Variants in SPTLC2 observed in about 807,000 individuals in gnomAD.
SPTLC2 encodes the protein serine palmitoyltransferase long chain base subunit 2, also known as serine palmitoyltransferase 2.
SPTLC2 carries 21 observed loss-of-function variants against 62.0 expected under a neutral mutation model. The ratio of observed to expected loss-of-function variants is 0.34; its 90% confidence interval spans 0.24 to 0.49. The LOEUF is 0.49. Among genes scored for constraint, SPTLC2 ranks in the 20% least tolerant of loss-of-function variants. The pLI, the probability that SPTLC2 is intolerant of heterozygous loss-of-function variation, is 0.99. For synonymous variants in SPTLC2, 261 were observed against 261.8 expected, an observed-to-expected ratio of 1.00 and a Z score of 0.03; for missense variants, 511 against 713.0, an observed-to-expected ratio of 0.72 and a Z score of 3.23.
rs10717655 is a variant in SPTLC2 at position 77,589,482 on chromosome 14, C to CT, written c.327+7703dup. Among the ~76,000 whole-genome samples, 316 of 141,350 alleles carry CT rather than the reference C, an allele frequency of 2.2e-3. 1 individual carries two copies. Among genetic ancestry groups the CT allele is most frequent in the African/African-American group, 7.5e-3 (287 of 38,342 alleles). The allele number at this position is 141,350 out of a possible 152,430, so 92.7% of individuals were successfully genotyped here. A position where few individuals can be genotyped will look rare whatever the true frequency, so the allele number is the denominator to read the frequency against. On this transcript the variant is annotated intron_variant, in intron 2 of 11. Coordinates refer to ENST00000216484, the MANE Select transcript of SPTLC2 (RefSeq NM_004863.4). ...CTCACAATACCATTCATATCTTAAACTTTTTTTTTTTTTTTTAGAGATAAT... is the reference window on the plus strand; with the variant it reads ...CTCACAATACCATTCATATCTTAAACTTTTTTTTTTTTTTTTTAGAGATAAT...
intron 9 of SPTLC2, 97 bp from the exon 10 acceptor site, chr14:77,521,678 TTC>T: frequency 8.8e-7 from 1 of 1,141,916 alleles, no homozygotes; most frequent in Non-Finnish European, 1.3e-6. Context: ...ATCTAATCAG[TTC>T]TGTTTCGTTT....
chr14:77,595,375 G>A (rs113297170), intron 2 of SPTLC2, among the ~76,000 whole-genome samples: 5,251 of 152,040 alleles, frequency 0.035, 299 homozygotes, highest in African/African-American at 0.12. Flanking sequence ...AAAAAATAAT[G>A]ATAATAAAAT....
At chr14:77,566,811 TAATC>T (rs1246559766) in intron 5 of SPTLC2, among the ~76,000 whole-genome samples, 12 of 151,962 alleles carry the variant, frequency 7.9e-5, no homozygotes, top group Admixed American at 5.9e-4. Flanking sequence ...CCTATGCTCT[TAATC>T]AATATACTGC....
chr14:77,597,827 A>T (rs1382145466), intron 1 of SPTLC2, among the ~76,000 whole-genome samples: 3 of 150,506 alleles, frequency 2.0e-5, no homozygotes, highest in Admixed American at 6.6e-5. Context: ...AAGAAAAAAA[A>T]AAAAAAGAAT....
intron 9 of SPTLC2, among the ~76,000 whole-genome samples, chr14:77,524,362 C>A (rs1256689144): frequency 6.6e-6 from 1 of 151,804 alleles, no homozygotes; most frequent in Non-Finnish European, 1.5e-5. Flanking sequence ...AGTGAGCCAC[C>A]ATGCTGCCCA....
intron 2 of SPTLC2, among the ~76,000 whole-genome samples, chr14:77,587,060 T>TA (rs1441378401): frequency 6.6e-6 from 1 of 152,042 alleles, no homozygotes. Flanking sequence ...CCGTCTGTAC[T>TA]AAAAATACAA....
At chr14:77,558,610 A>G (rs2079597917) in intron 6 of SPTLC2, among the ~76,000 whole-genome samples, 2 of 145,528 alleles carry the variant, frequency 1.4e-5, no homozygotes, top group African/African-American at 2.5e-5. Flanking sequence ...CCTGACTCAA[A>G]GCCTCCAGTT....
At chr14:77,559,713 G>T (rs1335737562) in intron 6 of SPTLC2, among the ~76,000 whole-genome samples, 1 of 151,940 alleles carries the variant, frequency 6.6e-6, no homozygotes, top group Non-Finnish European at 1.5e-5. Flanking sequence ...AACACAGCGA[G>T]ACTTTGTCTC....
chr14:77,573,107 T>C (rs944169922), intron 4 of SPTLC2, among the ~76,000 whole-genome samples: 17 of 152,210 alleles, frequency 1.1e-4, no homozygotes, highest in Non-Finnish European at 2.9e-5. Context: ...ATGTCAGCTT[T>C]TAACATGCCT....
At chr14:77,545,635 CT>C (rs1422785985) in intron 9 of SPTLC2, among the ~76,000 whole-genome samples, 4 of 152,126 alleles carry the variant, frequency 2.6e-5, no homozygotes, top group Admixed American at 1.3e-4. Context: ...TATTAAGTAT[CT>C]GCTATAAAGT....
intron 6 of SPTLC2, among the ~76,000 whole-genome samples, chr14:77,560,656 C>T (rs552905284): frequency 6.6e-6 from 1 of 151,388 alleles, no homozygotes; most frequent in South Asian, 2.1e-4. Flanking sequence ...TGTACATATA[C>T]ACCATGGAAT....
intron 2 of SPTLC2, among the ~76,000 whole-genome samples, chr14:77,583,315 G>A (rs1369058527): frequency 6.6e-6 from 1 of 151,950 alleles, no homozygotes; most frequent in African/African-American, 2.4e-5. Context: ...AAAAAGGAGG[G>A]GAGGGGTCAC....
At chr14:77,597,410 C>T (rs923344868) in intron 1 of SPTLC2, 30 bp from the exon 2 acceptor site, 1 of 1,590,592 alleles carries the variant, frequency 6.3e-7, no homozygotes, top group Non-Finnish European at 8.6e-7. Context: ...TGTTTATTTC[C>T]ATCATGGCAA....
At chr14:77,557,971 T>TA (rs976672792) in intron 6 of SPTLC2, among the ~76,000 whole-genome samples, 5 of 151,730 alleles carry the variant, frequency 3.3e-5, no homozygotes, top group Admixed American at 6.6e-5. Context: ...ATGAAGTCCT[T>TA]AAAAAAAACT....
At chr14:77,559,950 T>C in intron 6 of SPTLC2, among the ~76,000 whole-genome samples, 1 of 152,048 alleles carries the variant, frequency 6.6e-6, no homozygotes, top group Non-Finnish European at 1.5e-5. Flanking sequence ...TAAAGGGCTC[T>C]TATAATCAGT....
At chr14:77,533,807 GT>G (rs547051169) in intron 9 of SPTLC2, among the ~76,000 whole-genome samples, 2 of 152,262 alleles carry the variant, frequency 1.3e-5, no homozygotes, top group South Asian at 4.1e-4. Context: ...AGTCTCTGGG[GT>G]TTGCTGGTGC....
At chr14:77,597,854 T>A (rs899386963) in intron 1 of SPTLC2, among the ~76,000 whole-genome samples, 8 of 147,914 alleles carry the variant, frequency 5.4e-5, no homozygotes, top group Admixed American at 2.7e-4. Flanking sequence ...CCAGGCACGG[T>A]GGCTCACGCC....
At chr14:77,553,481 T>C (rs1594985897) in intron 8 of SPTLC2, among the ~76,000 whole-genome samples, 1 of 151,968 alleles carries the variant, frequency 6.6e-6, no homozygotes. Context: ...CCTGTAATCC[T>C]AGTACTTTGG....
intron 9 of SPTLC2, among the ~76,000 whole-genome samples, chr14:77,522,648 A>C (rs1224961929): frequency 6.6e-6 from 1 of 152,222 alleles, no homozygotes; most frequent in Non-Finnish European, 1.5e-5. Context: ...AATCTTTGAA[A>C]AGATATCCAA....
Sources: allele counts gnomAD v4.1 joint callset (sites outside exome capture counted in the v4.1 genomes callset), GRCh38; gene constraint gnomAD v4.1.1; transcripts MANE v1.5; gene names NCBI Gene and HGNC (gene_info 2026-07-23, HGNC 2026-07-21).